The following FBLN7 variants were observed in gnomAD, a reference collection of about 807,000 sequenced individuals.
FBLN7 encodes the protein fibulin-7.
A neutral mutation model predicts 44.0 loss-of-function variants in FBLN7; 31 were observed. The observed-to-expected ratio is 0.70, with a 90% CI of 0.53 to 0.95. The LOEUF is 0.95. Ranked by LOEUF, FBLN7 falls within the 40% of genes least tolerant of loss-of-function variation. FBLN7 has a pLI of 0.00. For synonymous variants in FBLN7, 262 were observed against 253.4 expected, an observed-to-expected ratio of 1.03 and a Z score of -0.32; for missense variants, 573 against 618.5, an observed-to-expected ratio of 0.93 and a Z score of 0.78.
intron 2 of FBLN7, among the ~76,000 whole-genome samples, chr2:112,160,782 GCACGCACACGCACACACGCACGCACACA>G (rs1681796962): frequency 7.6e-6 from 1 of 131,464 alleles, no homozygotes; most frequent in African/African-American, 3.0e-5. Context: ...AGACGCACAC[GCACGCACACGCACACACGCACGCACACA>G]CACGCACACA....
Position 112,187,652 on chromosome 2 carries a change from C to T in FBLN7, c.*146C>T, listed in dbSNP as rs1031897391. 42 of 1,086,300 alleles carry T rather than the reference C, an allele frequency of 3.9e-5. No individual in the cohort carries two copies. Among genetic ancestry groups the T allele is most frequent in the African/African-American group, 7.9e-5 (5 of 63,512 alleles). The allele number at this position is 1,086,300 out of a possible 1,614,324, so 67.3% of individuals were successfully genotyped here. Reference sequence around the variant, plus strand: ...AGGCTTCTAGGGCAGCGTTGCACGGCGCCCCATGGAATAGCACGGAAGAGC... The same window carrying T: ...AGGCTTCTAGGGCAGCGTTGCACGGTGCCCCATGGAATAGCACGGAAGAGC... On this transcript the variant is annotated 3_prime_UTR_variant, in exon 8 of 8. Coordinates refer to ENST00000331203, the MANE Select transcript of FBLN7 (RefSeq NM_153214.3). The surrounding 1 kb of genome is among the most constrained non-coding windows in gnomAD (Gnocchi z 5.1).
intron 7 of FBLN7, among the ~76,000 whole-genome samples, chr2:112,186,893 C>T (rs547552151): frequency 4.6e-5 from 7 of 152,262 alleles, no homozygotes; most frequent in East Asian, 1.9e-4. Context: ...CACATACACA[C>T]GTACACAGGT....
chr2:112,215,966 A>G, the FBLN7 span: 1 of 152,222 alleles, frequency 6.6e-6, no homozygotes, highest in African/African-American at 2.4e-5. Context: ...AAATCATAGA[A>G]CCATAATTTA....
the FBLN7 span, among the ~76,000 whole-genome samples, chr2:112,222,560 A>T: frequency 6.6e-6 from 1 of 152,388 alleles, no homozygotes; most frequent in African/African-American, 2.4e-5. Context: ...GATTTCACTT[A>T]CATGAGATAC....
At chr2:112,168,094 C>T (rs950763972) in intron 3 of FBLN7, among the ~76,000 whole-genome samples, 6 of 152,188 alleles carry the variant, frequency 3.9e-5, no homozygotes, top group African/African-American at 1.2e-4. Flanking sequence ...AGCAAGCCTA[C>T]TGACCTTTCC....
At chr2:112,160,233 G>T (rs543590826) in intron 2 of FBLN7, among the ~76,000 whole-genome samples, 1 of 151,952 alleles carries the variant, frequency 6.6e-6, no homozygotes, top group Non-Finnish European at 1.5e-5. Context: ...CTCGTGATCC[G>T]CCCGCCTCGG....
the FBLN7 span, among the ~76,000 whole-genome samples, chr2:112,206,733 GTTT>G: frequency 2.4e-5 from 3 of 123,006 alleles, no homozygotes; most frequent in Admixed American, 8.4e-5. Context: ...CTTATTGACT[GTTT>G]TTTTTTTTTT....
chr2:112,199,750 A>G, the FBLN7 span, among the ~76,000 whole-genome samples: 1 of 152,194 alleles, frequency 6.6e-6, no homozygotes, highest in Non-Finnish European at 1.5e-5. Context: ...CTCTGCCCTC[A>G]TGAATGGATT....
chr2:112,197,726 G>T, the FBLN7 span, among the ~76,000 whole-genome samples: 1 of 152,192 alleles, frequency 6.6e-6, no homozygotes. Flanking sequence ...CTTTGCTAAT[G>T]ATCTTGGAGC....
At chr2:112,183,421 C>A (rs1683102310) in intron 6 of FBLN7, among the ~76,000 whole-genome samples, 1 of 152,176 alleles carries the variant, frequency 6.6e-6, no homozygotes, top group Non-Finnish European at 1.5e-5. Context: ...CTGAGGACAA[C>A]AAGGGAGGCG....
At chr2:112,181,902 TG>T in intron 5 of FBLN7, 26 bp downstream of exon 5, 1 of 1,532,686 alleles carries the variant, frequency 6.5e-7, no homozygotes, top group African/African-American at 1.4e-5. Flanking sequence ...GCCAGGACAC[TG>T]GGGACAGCAC....
At chr2:112,196,374 C>CTT in the FBLN7 span, among the ~76,000 whole-genome samples, 615 of 62,722 alleles carry the variant, frequency 9.8e-3, 4 homozygotes, top group Non-Finnish European at 0.012. Context: ...TCTTCTTCTT[C>CTT]TTTTTTTTTT....
chr2:112,140,037 GGCCAGCGTCCCTCCCGCCTCTCTCCAC>G (rs1680551671), intron 1 of FBLN7, among the ~76,000 whole-genome samples: 9 of 81,206 alleles, frequency 1.1e-4, no homozygotes, highest in East Asian at 3.7e-4. Context: ...CCTCTCTCCA[GGCCAGCGTCCCTCCCGCCTCTCTCCAC>G]GCCAGCGTCC....
the FBLN7 span, among the ~76,000 whole-genome samples, chr2:112,196,259 G>T: frequency 6.6e-6 from 1 of 151,904 alleles, no homozygotes; most frequent in Admixed American, 6.6e-5. Context: ...AAAATAAAAT[G>T]ACAAGATCCC....
the FBLN7 span, among the ~76,000 whole-genome samples, chr2:112,228,001 A>G: frequency 2.0e-5 from 3 of 152,256 alleles, no homozygotes; most frequent in Non-Finnish European, 4.4e-5. Flanking sequence ...TTTGAAAAGT[A>G]GAACAAAGCT....
intron 1 of FBLN7, among the ~76,000 whole-genome samples, chr2:112,143,969 G>T (rs532887271): frequency 6.6e-6 from 1 of 152,176 alleles, no homozygotes; most frequent in Non-Finnish European, 1.5e-5. Context: ...TATGTGTTGG[G>T]CAGTGCTTGT....
At chr2:112,211,954 C>T in the FBLN7 span, 4 of 152,160 alleles carry the variant, frequency 2.6e-5, no homozygotes, top group Non-Finnish European at 5.9e-5. Flanking sequence ...GTTTTCTGCT[C>T]CTTATTATGA....
At chr2:112,223,603 T>C in the FBLN7 span, among the ~76,000 whole-genome samples, 3 of 152,130 alleles carry the variant, frequency 2.0e-5, no homozygotes, top group Non-Finnish European at 4.4e-5. Flanking sequence ...AGCAAAATAG[T>C]ACATTAAGAA....
intron 2 of FBLN7, among the ~76,000 whole-genome samples, chr2:112,164,144 G>A (rs1213376832): frequency 6.6e-6 from 1 of 152,172 alleles, no homozygotes; most frequent in African/African-American, 2.4e-5. Flanking sequence ...TGAGGGTTGG[G>A]TTTTGTCTAT....
Sources: gnomAD v4.1 joint callset for allele counts (sites outside exome capture counted in the v4.1 genomes callset) on GRCh38, gnomAD v4.1.1 for gene constraint, Gnocchi (gnomAD v3.1) non-coding constraint, MANE v1.5 for transcripts, NCBI Gene and HGNC (gene_info 2026-07-23, HGNC 2026-07-21) for gene names.